EML5: variants seen among roughly 807,000 people sequenced by gnomAD.
The protein encoded by EML5 is echinoderm microtubule-associated protein-like 5.
A neutral mutation model predicts 250.0 loss-of-function variants in EML5; 120 were observed. That is an observed-to-expected ratio of 0.48 (90% CI 0.41 to 0.56). The LOEUF is 0.56. Among genes scored for constraint, EML5 ranks in the 20% least tolerant of loss-of-function variants. The pLI, the probability that EML5 is intolerant of heterozygous loss-of-function variation, is 0.00. For synonymous variants in EML5, 771 were observed against 806.5 expected (o/e 0.96, Z 0.75); for missense variants, 2,006 against 2,437.6 (o/e 0.82, Z 3.73).
intron 36 of EML5, chr14:88,624,110 C>G (rs764868182): frequency 1.3e-5 from 2 of 152,344 alleles, no homozygotes; most frequent in African/African-American, 2.4e-5. Flanking sequence ...GGGTCTCACT[C>G]TGTCACCCAG....
chr14:88,753,441 T>G (rs2094123943), intron 2 of EML5, among the ~76,000 whole-genome samples: 1 of 152,222 alleles, frequency 6.6e-6, no homozygotes, highest in Non-Finnish European at 1.5e-5. Flanking sequence ...GTAATTTGTT[T>G]CTGTAAAATT....
intron 15 of EML5, among the ~76,000 whole-genome samples, chr14:88,696,483 A>G (rs2093082256): frequency 6.6e-6 from 1 of 152,062 alleles, no homozygotes; most frequent in African/African-American, 2.4e-5. Flanking sequence ...TACCCTAAAC[A>G]TTTTCAAAGT....
intron 27 of EML5, among the ~76,000 whole-genome samples, chr14:88,653,638 G>T (rs555194874): frequency 1.3e-5 from 2 of 152,184 alleles, no homozygotes; most frequent in African/African-American, 4.8e-5. Context: ...GCATCCCAGG[G>T]ATGAAGCCGA....
In EML5 at chr14:88,736,572, A is replaced by G. The variant is rs1334178627; in HGVS notation, c.848-7T>C. 1 of 1,613,278 alleles carries G rather than the reference A, an allele frequency of 6.2e-7. No homozygotes were observed. The highest frequency in any genetic ancestry group is 1.7e-5 in the Admixed American group (1 of 59,938). Reference sequence around the variant, plus strand: ...ACACTCCTTACAGACAAACCTAGTAAAAAGTAAATTGTATTTAATATATAA... The same window carrying G: ...ACACTCCTTACAGACAAACCTAGTAGAAAGTAAATTGTATTTAATATATAA... On this transcript the variant is annotated splice_region_variant and splice_polypyrimidine_tract_variant and intron_variant, in intron 6 of 43. Transcript: ENST00000554922.
intron 6 of EML5, among the ~76,000 whole-genome samples, chr14:88,737,902 C>A (rs2093868874): frequency 6.6e-6 from 1 of 152,080 alleles, no homozygotes; most frequent in Non-Finnish European, 1.5e-5. Flanking sequence ...TTTTAATAAT[C>A]TTTTTACTTG....
intron 7 of EML5, among the ~76,000 whole-genome samples, chr14:88,727,559 G>T (rs983495067): frequency 2.0e-5 from 3 of 151,752 alleles, no homozygotes; most frequent in Non-Finnish European, 4.4e-5. Context: ...GCACCACCAC[G>T]CCTGTATTTT....
chr14:88,707,092 G>A (rs993979087), intron 10 of EML5, among the ~76,000 whole-genome samples: 4 of 152,046 alleles, frequency 2.6e-5, no homozygotes, highest in Non-Finnish European at 5.9e-5. Context: ...TTTTGGGTAA[G>A]GGCAATGTTG....
rs55870351 is a variant in EML5 at position 88,617,296 on chromosome 14, C to T, written c.5643-417G>A. ...CCGAGTAGCTGGGATCACAGGCATG[C>T]GCTAACATGCCCGGCTTATTTTGTA... On this transcript the variant is annotated intron_variant, in intron 41 of 43. Coordinates refer to ENST00000554922, the MANE Select transcript of EML5 (RefSeq NM_183387.3). The T allele has an allele frequency of 4.8e-3, 757 of 156,196 alleles. 7 individuals are homozygous for T. The highest frequency in any genetic ancestry group is 0.017 in the African/African-American group (706 of 41,472). The allele number at this position is 156,196 out of a possible 1,614,324, so 9.7% of individuals were successfully genotyped here.
At chr14:88,634,355 C>A in intron 33 of EML5, 114 bp downstream of exon 33, 1 of 667,000 alleles carries the variant, frequency 1.5e-6, no homozygotes, top group Non-Finnish European at 2.4e-6. Flanking sequence ...TTGTAAATTA[C>A]CCAGTTCTTT....
At chr14:88,617,686 A>C (rs1407317869) in intron 41 of EML5, 1 of 152,374 alleles carries the variant, frequency 6.6e-6, no homozygotes, top group African/African-American at 2.4e-5. Context: ...GGCTGGTATC[A>C]AAACTTCTAG....
intron 1 of EML5, among the ~76,000 whole-genome samples, chr14:88,763,402 TAGA>T (rs1200467498): frequency 6.6e-6 from 1 of 152,096 alleles, no homozygotes; most frequent in Non-Finnish European, 1.5e-5. Context: ...CTAGAAAATC[TAGA>T]AGAACTGGAT....
intron 42 of EML5, 52 bp downstream of exon 42, chr14:88,616,666 TGATGATAA>T: frequency 6.9e-7 from 1 of 1,458,578 alleles, no homozygotes. Context: ...GGAAAAGTGC[TGATGATAA>T]GACATCAAAA....
chr14:88,628,624 T>G (rs1046009764), intron 33 of EML5, among the ~76,000 whole-genome samples: 1 of 152,086 alleles, frequency 6.6e-6, no homozygotes, highest in African/African-American at 2.4e-5. Context: ...AATACTAAAG[T>G]GCATTTGCTT....
At chr14:88,722,456 C>T (rs953282210) in intron 8 of EML5, among the ~76,000 whole-genome samples, 1 of 152,146 alleles carries the variant, frequency 6.6e-6, no homozygotes, top group African/African-American at 2.4e-5. Context: ...GAGATCATGT[C>T]CTTTGCAGGG....
At chr14:88,769,679 T>C (rs772529789) in intron 1 of EML5, among the ~76,000 whole-genome samples, 9 of 152,204 alleles carry the variant, frequency 5.9e-5, no homozygotes, top group African/African-American at 9.6e-5. Context: ...CTAGGAAATA[T>C]AGTTATGTAT....
At chr14:88,686,233 T>C (rs2092829034) in intron 19 of EML5, among the ~76,000 whole-genome samples, 1 of 151,862 alleles carries the variant, frequency 6.6e-6, no homozygotes, top group Admixed American at 6.6e-5. Context: ...TAGGAAAAAG[T>C]AAAAACAGGT....
At chr14:88,712,616 T>C in intron 9 of EML5, 133 bp from the exon 10 acceptor site, 1 of 632,968 alleles carries the variant, frequency 1.6e-6, no homozygotes, top group Non-Finnish European at 2.7e-6. Context: ...AATACATAAA[T>C]AGGTAGATAA....
At chr14:88,685,248 G>T in intron 19 of EML5, 106 bp from the exon 20 acceptor site, 1 of 880,954 alleles carries the variant, frequency 1.1e-6, no homozygotes, top group Non-Finnish European at 1.6e-6. Flanking sequence ...ACATTACAAG[G>T]TTTTCTCCTG....
chr14:88,767,751 T>C (rs1300722353), intron 1 of EML5, among the ~76,000 whole-genome samples: 1 of 152,210 alleles, frequency 6.6e-6, no homozygotes, highest in African/African-American at 2.4e-5. Flanking sequence ...TGTTACGAAA[T>C]AGTACAGTTT....
Sources: gnomAD v4.1 joint callset for allele counts (sites outside exome capture counted in the v4.1 genomes callset) on GRCh38, gnomAD v4.1.1 for gene constraint, MANE v1.5 for transcripts, NCBI Gene and HGNC (gene_info 2026-07-23, HGNC 2026-07-21) for gene names.